Variants in DNAJC1 observed in about 807,000 individuals in gnomAD.
DNAJC1 encodes DnaJ heat shock protein family (Hsp40) member C1.
DNAJC1 carries 58 observed loss-of-function variants against 76.6 expected under a neutral mutation model. That is an observed-to-expected ratio of 0.76 (90% confidence interval 0.61 to 0.94). DNAJC1 has a LOEUF of 0.94. DNAJC1 is among the 40% of genes least tolerant of loss of function. The pLI is 0.00. For missense variants in DNAJC1, 689 were observed against 677.3 expected, an observed-to-expected ratio of 1.02 and a Z score of -0.19; for synonymous variants, 258 against 267.9, an observed-to-expected ratio of 0.96 and a Z score of 0.36.
At chr10:21,884,268 G>C (rs1234468449) in intron 7 of DNAJC1, among the ~76,000 whole-genome samples, 3 of 152,064 alleles carry the variant, frequency 2.0e-5, no homozygotes, top group Admixed American at 6.6e-5. Flanking sequence ...GGTCATAAAT[G>C]GGCAATCCAC....
chr10:21,986,984 T>G (rs970844897), intron 1 of DNAJC1, among the ~76,000 whole-genome samples: 3 of 152,156 alleles, frequency 2.0e-5, no homozygotes, highest in African/African-American at 7.2e-5. Context: ...GCCAGGCTGG[T>G]CTCAAACTCC....
intron 7 of DNAJC1, among the ~76,000 whole-genome samples, chr10:21,901,410 A>G (rs943277513): frequency 1.3e-5 from 2 of 152,210 alleles, no homozygotes; most frequent in African/African-American, 4.8e-5. Flanking sequence ...AGAATAAAAC[A>G]TATCATTAGA....
chr10:21,900,655 A>T (rs569544830), intron 7 of DNAJC1, among the ~76,000 whole-genome samples: 1 of 152,310 alleles, frequency 6.6e-6, no homozygotes, highest in African/African-American at 2.4e-5. Context: ...ATCTGCCTAC[A>T]TATAAACTGT....
At chr10:21,908,353 G>C (rs960423528) in intron 6 of DNAJC1, among the ~76,000 whole-genome samples, 4 of 140,762 alleles carry the variant, frequency 2.8e-5, no homozygotes, top group African/African-American at 1.1e-4. Context: ...TAGTATTCAA[G>C]AAGAAACCAC....
chr10:21,782,164 G>A (rs1318209398), intron 9 of DNAJC1, among the ~76,000 whole-genome samples: 1 of 152,048 alleles, frequency 6.6e-6, no homozygotes, highest in Non-Finnish European at 1.5e-5. Context: ...TAATAAAGAA[G>A]AAAAGAGAGA....
chr10:21,907,192 C>A (rs1249017961), intron 6 of DNAJC1, among the ~76,000 whole-genome samples: 6 of 152,166 alleles, frequency 3.9e-5, no homozygotes, highest in African/African-American at 1.4e-4. Flanking sequence ...CTGCAATCCA[C>A]CCAATCACCC....
chr10:21,762,010 T>C (rs1253805985), intron 10 of DNAJC1, among the ~76,000 whole-genome samples: 2 of 152,180 alleles, frequency 1.3e-5, no homozygotes, highest in Non-Finnish European at 2.9e-5. Flanking sequence ...TGGGTTCAAG[T>C]GATTCTCCTG....
intron 1 of DNAJC1, among the ~76,000 whole-genome samples, chr10:21,980,356 T>C (rs757549739): frequency 2.0e-5 from 3 of 152,112 alleles, no homozygotes; most frequent in Non-Finnish European, 4.4e-5. Flanking sequence ...TATATGGATA[T>C]CATGTGCCTC....
At chr10:21,764,074 T>C (rs1834269680) in intron 10 of DNAJC1, among the ~76,000 whole-genome samples, 1 of 152,134 alleles carries the variant, frequency 6.6e-6, no homozygotes, top group Non-Finnish European at 1.5e-5. Context: ...TCATCCTGTC[T>C]ACCTCACTTT....
At chr10:21,936,469 G>A (rs1837314173) in intron 1 of DNAJC1, among the ~76,000 whole-genome samples, 1 of 152,200 alleles carries the variant, frequency 6.6e-6, no homozygotes, top group South Asian at 2.1e-4. Context: ...GTTACATAAG[G>A]CAGTAATTAT....
chr10:21,972,428 A>T (rs1837995877), intron 1 of DNAJC1, among the ~76,000 whole-genome samples: 1 of 152,030 alleles, frequency 6.6e-6, no homozygotes, highest in Non-Finnish European at 1.5e-5. Context: ...CTACTTGAGT[A>T]TGTATTTAAA....
At chr10:21,773,520 C>A (rs1046130142) in intron 9 of DNAJC1, among the ~76,000 whole-genome samples, 1 of 152,088 alleles carries the variant, frequency 6.6e-6, no homozygotes, top group African/African-American at 2.4e-5. Flanking sequence ...TCCTTTTAAA[C>A]TTATTGACGT....
At chr10:21,947,005 A>G (rs1159257965) in intron 1 of DNAJC1, among the ~76,000 whole-genome samples, 2 of 152,156 alleles carry the variant, frequency 1.3e-5, no homozygotes, top group Non-Finnish European at 2.9e-5. Flanking sequence ...ATGCAGCATG[A>G]AGGCCCTCAC....
chr10:21,783,108 A>G (rs186321896), intron 9 of DNAJC1, among the ~76,000 whole-genome samples: 36 of 152,316 alleles, frequency 2.4e-4, no homozygotes, highest in African/African-American at 8.2e-4. Flanking sequence ...AGGAAGTCAA[A>G]CTGTCCCTGT....
intron 8 of DNAJC1, among the ~76,000 whole-genome samples, chr10:21,808,175 T>C (rs568076474): frequency 6.6e-6 from 1 of 152,288 alleles, no homozygotes; most frequent in East Asian, 1.9e-4. Flanking sequence ...CTAATTTCTA[T>C]GTTATTTTAA....
chr10:21,793,311 G>C (rs571890825), intron 9 of DNAJC1, among the ~76,000 whole-genome samples: 1 of 152,062 alleles, frequency 6.6e-6, no homozygotes, highest in Admixed American at 6.6e-5. Context: ...TCAGGGGTTG[G>C]GGGGCCGGGA....
At position 22,003,366 on chromosome 10, in the gene DNAJC1, C is replaced by CGGG. The variant is rs1458480426; in HGVS notation, c.66_68dup (p.Pro27dup). The CGGG allele has an allele frequency of 2.8e-6, 4 of 1,408,206 alleles. No individual in the cohort carries two copies. Among genetic ancestry groups the CGGG allele is most frequent in the Non-Finnish European group, 3.7e-6 (4 of 1,085,026 alleles). 87.2% of individuals were successfully genotyped at this position (1,408,206 alleles called of 1,614,324 possible). A position where few individuals can be genotyped will look rare whatever the true frequency, so the allele number is the denominator to read the frequency against. ...GCAGCGGCGTCCGCGGCGGCGGCGG[C>CGGG]GGGAACGGCACCAGCCCGAGCTGGC... On this transcript the variant is annotated inframe_insertion, in exon 1 of 12. Coordinates refer to ENST00000376980, the MANE Select transcript of DNAJC1 (RefSeq NM_022365.4).
intron 1 of DNAJC1, among the ~76,000 whole-genome samples, chr10:21,996,626 G>A (rs1038973177): frequency 3.3e-5 from 5 of 152,056 alleles, no homozygotes; most frequent in Admixed American, 1.3e-4. Flanking sequence ...AATAACAAAA[G>A]ATACAATATT....
chr10:21,928,860 G>C (rs1377266862), intron 2 of DNAJC1, among the ~76,000 whole-genome samples, 180 bp downstream of exon 2: 1 of 151,764 alleles, frequency 6.6e-6, no homozygotes, highest in Non-Finnish European at 1.5e-5. Context: ...AGAATTTAGA[G>C]ATGCTAATAC....
Sources: allele counts gnomAD v4.1 joint callset (sites outside exome capture counted in the v4.1 genomes callset), GRCh38; gene constraint gnomAD v4.1.1; transcripts MANE v1.5; gene names NCBI Gene and HGNC (gene_info 2026-07-23, HGNC 2026-07-21).